Variants in KCNH7 observed in about 807,000 individuals in gnomAD.
The protein encoded by KCNH7 is voltage-gated inwardly rectifying potassium channel KCNH7.
A neutral mutation model predicts 120.8 loss-of-function variants in KCNH7; 49 were observed. The ratio of observed to expected loss-of-function variants is 0.41; its 90% CI spans 0.32 to 0.51. The LOEUF (loss-of-function observed/expected upper bound fraction) is 0.51. KCNH7 is among the 20% of genes least tolerant of loss of function. KCNH7 has a pLI of 0.38. For synonymous variants in KCNH7, 547 were observed against 516.1 expected (o/e 1.06, Z -0.81); for missense variants, 1,097 against 1,446.6 (o/e 0.76, Z 3.92).
intron 9 of KCNH7, among the ~76,000 whole-genome samples, chr2:162,402,793 GTGTGTGTGTGCATGTC>G (rs368636736): frequency 9.9e-5 from 15 of 151,988 alleles, no homozygotes; most frequent in Middle Eastern, 3.4e-3. Flanking sequence ...AATTGCGTGT[GTGTGTGTGTGCATGTC>G]TGTGTGTGTG....
At chr2:162,542,755 G>A (rs1692353459) in intron 2 of KCNH7, among the ~76,000 whole-genome samples, 1 of 151,822 alleles carries the variant, frequency 6.6e-6, no homozygotes, top group Non-Finnish European at 1.5e-5. Context: ...TAGTCCTTTG[G>A]GTATATACCC....
chr2:162,552,123 A>T (rs527796989), intron 2 of KCNH7, among the ~76,000 whole-genome samples: 2 of 152,214 alleles, frequency 1.3e-5, no homozygotes, highest in East Asian at 3.9e-4. Context: ...TTAGACAATG[A>T]TGATGTTCTA....
chr2:162,820,711 G>A (rs1450480885), intron 2 of KCNH7, among the ~76,000 whole-genome samples: 1 of 152,088 alleles, frequency 6.6e-6, no homozygotes, highest in African/African-American at 2.4e-5. Flanking sequence ...TTTCCCTTAT[G>A]TTTGTATTAG....
intron 6 of KCNH7, chr2:162,496,859 G>C (rs559960429): frequency 5.9e-5 from 9 of 152,224 alleles, no homozygotes; most frequent in Admixed American, 1.3e-4. Context: ...TTCAAATCAT[G>C]TCATTGAAGA....
At chr2:162,440,885 C>A (rs1427794644) in intron 7 of KCNH7, among the ~76,000 whole-genome samples, 1 of 152,062 alleles carries the variant, frequency 6.6e-6, no homozygotes, top group East Asian at 1.9e-4. Flanking sequence ...AATGTTACAA[C>A]AAATAAATAA....
At chr2:162,549,518 G>A (rs139005941) in intron 2 of KCNH7, among the ~76,000 whole-genome samples, 4 of 152,148 alleles carry the variant, frequency 2.6e-5, no homozygotes, top group Non-Finnish European at 5.9e-5. Flanking sequence ...TATCAGAAAA[G>A]TTTCTCTGAA....
intron 9 of KCNH7, among the ~76,000 whole-genome samples, chr2:162,416,758 C>G (rs1398392591): frequency 6.6e-6 from 1 of 152,058 alleles, no homozygotes; most frequent in Non-Finnish European, 1.5e-5. Flanking sequence ...GTGATGCCCC[C>G]TACCCAACCC....
chr2:162,660,463 C>G (rs1684919632), intron 2 of KCNH7, among the ~76,000 whole-genome samples: 1 of 151,992 alleles, frequency 6.6e-6, no homozygotes, highest in Non-Finnish European at 1.5e-5. Context: ...TCTTTGTGGT[C>G]TGAGAGTATC....
At chr2:162,374,170 A>T (rs1169485881) in intron 14 of KCNH7, among the ~76,000 whole-genome samples, 2 of 152,182 alleles carry the variant, frequency 1.3e-5, no homozygotes, top group African/African-American at 4.8e-5. Context: ...ATTGTATATT[A>T]TTCATTGTAT....
intron 2 of KCNH7, among the ~76,000 whole-genome samples, chr2:162,695,995 C>G (rs1207106620): frequency 6.6e-6 from 1 of 152,072 alleles, no homozygotes; most frequent in Non-Finnish European, 1.5e-5. Flanking sequence ...TCAGAAAGAC[C>G]ACTTTCAAAT....
At chr2:162,791,263 T>C (rs977328834) in intron 2 of KCNH7, among the ~76,000 whole-genome samples, 1 of 152,132 alleles carries the variant, frequency 6.6e-6, no homozygotes, top group East Asian at 1.9e-4. Flanking sequence ...TTGGGCTTTT[T>C]GTTGTTGTTG....
intron 2 of KCNH7, among the ~76,000 whole-genome samples, chr2:162,693,275 AT>A (rs1366175782): frequency 6.6e-6 from 1 of 152,200 alleles, no homozygotes; most frequent in African/African-American, 2.4e-5. Context: ...ACACAAAAAA[AT>A]GATCACATCC....
chr2:162,597,319 A>C (rs1468644384), intron 2 of KCNH7, among the ~76,000 whole-genome samples: 1 of 152,058 alleles, frequency 6.6e-6, no homozygotes, highest in Non-Finnish European at 1.5e-5. Flanking sequence ...AATTGATTAA[A>C]AACGTGGTAT....
At position 162,615,930 on chromosome 2, in the gene KCNH7, C is replaced by A. The variant is rs1338627425; in HGVS notation, c.308-78850G>T. Among the ~76,000 whole-genome samples the A allele has an allele frequency of 4.6e-5, 7 of 152,122 alleles. No individual in the cohort carries two copies. In the East Asian group the frequency reaches 1.2e-3, roughly 25 times the overall value. ...TGTAAGTTACTTTTCAAGTAATTAA[C>A]AAAATGATGTCCTATTTCTCACTAA... On this transcript the variant is annotated intron_variant, in intron 2 of 15. Coordinates refer to ENST00000332142, the MANE Select transcript of KCNH7 (RefSeq NM_033272.4).
chr2:162,670,239 G>A (rs758565337), intron 2 of KCNH7, among the ~76,000 whole-genome samples: 5 of 151,826 alleles, frequency 3.3e-5, no homozygotes, highest in South Asian at 2.1e-4. Flanking sequence ...TTGGGAGACC[G>A]AGGCAGGCAG....
chr2:162,795,519 C>T (rs747540612), intron 2 of KCNH7: 13 of 152,018 alleles, frequency 8.6e-5, no homozygotes, highest in Non-Finnish European at 4.4e-5. Context: ...TCTTCAGGAT[C>T]CGTACTTTGA....
At position 162,823,077 on chromosome 2, in the gene KCNH7, G is replaced by A. The variant is rs889800988; in HGVS notation, c.307+13460C>T. Among the ~76,000 whole-genome samples the A allele has an allele frequency of 2.6e-5, 4 of 152,222 alleles. No homozygotes were observed. In the South Asian group the frequency reaches 6.2e-4, roughly 24 times the overall value. ...AACAGGAGATGGGTGAGGTGGTACAGTAGAGTGCTGAGCACACAGGCTCTA... is the reference window on the plus strand; with the variant it reads ...AACAGGAGATGGGTGAGGTGGTACAATAGAGTGCTGAGCACACAGGCTCTA... On this transcript the variant is annotated intron_variant, in intron 2 of 15. Transcript: ENST00000332142.
chr2:162,651,460 C>T lies in KCNH7; in HGVS notation c.308-114380G>A, dbSNP rs58711894. ...GCTCCCACTTATAAGTGAGAACATA[C>T]GATACCTGGCTTTCTGTTCCTGTGT... is the stretch of plus-strand genomic sequence containing the variant. On this transcript the variant is annotated intron_variant, in intron 2 of 15. Coordinates refer to ENST00000332142, the MANE Select transcript of KCNH7 (RefSeq NM_033272.4). 9.9e-3 allele frequency among the ~76,000 whole-genome samples: 1,504 copies of T among 152,026 alleles called. 22 individuals are homozygous for T. The highest frequency in any genetic ancestry group is 0.033 in the African/African-American group (1,389 of 41,480).
chr2:162,565,218 G>A (rs967532055), intron 2 of KCNH7, among the ~76,000 whole-genome samples: 4 of 151,676 alleles, frequency 2.6e-5, no homozygotes, highest in African/African-American at 9.7e-5. Context: ...TCCCCATATA[G>A]GTATTTTTTA....
Sources: gnomAD v4.1 joint callset for allele counts (sites outside exome capture counted in the v4.1 genomes callset) on GRCh38, gnomAD v4.1.1 for gene constraint, MANE v1.5 for transcripts, NCBI Gene and HGNC (gene_info 2026-07-23, HGNC 2026-07-21) for gene names.